Variants in MAP4K3 observed in about 807,000 individuals in gnomAD.
The protein encoded by MAP4K3 is MAPK/ERK kinase kinase kinase 3.
Under a neutral mutation model 143.5 loss-of-function variants are expected in MAP4K3, and 94 were observed. The observed-to-expected ratio is 0.65, with a 90% CI of 0.55 to 0.78. The LOEUF (loss-of-function observed/expected upper bound fraction) is 0.78. Among genes scored for constraint, MAP4K3 ranks in the 30% least tolerant of loss-of-function variants. The pLI, the probability that MAP4K3 is intolerant of heterozygous loss-of-function variation, is 0.00. For synonymous variants in MAP4K3, 416 were observed against 347.2 expected, an observed-to-expected ratio of 1.20 and a Z score of -2.20; for missense variants, 1,077 against 1,068.1, an observed-to-expected ratio of 1.01 and a Z score of -0.12.
intron 1 of MAP4K3, among the ~76,000 whole-genome samples, chr2:39,417,683 G>C (rs1475470294): frequency 6.6e-6 from 1 of 152,166 alleles, no homozygotes; most frequent in African/African-American, 2.4e-5. Flanking sequence ...TGTATACGTG[G>C]TTTAGCAATA....
In MAP4K3 at chr2:39,295,719, T is replaced by G. The variant is rs182066941; in HGVS notation, c.1179-2451A>C. Reference sequence around the variant, plus strand: ...TATATTGCATTCGCATTCCATGTTTTTTTTTTTTTTTTTTTTGAGATGGAG... The same window carrying G: ...TATATTGCATTCGCATTCCATGTTTGTTTTTTTTTTTTTTTTGAGATGGAG... On this transcript the variant is annotated intron_variant, in intron 16 of 33. Transcript: ENST00000263881. 8.7e-3 allele frequency among the ~76,000 whole-genome samples: 1,295 copies of G among 148,954 alleles called. 17 individuals are homozygous for G. Among genetic ancestry groups the G allele is most frequent in the African/African-American group, 0.029 (1,177 of 40,524 alleles).
chr2:39,421,364 G>A (rs1363163042), intron 1 of MAP4K3, among the ~76,000 whole-genome samples: 1 of 129,612 alleles, frequency 7.7e-6, no homozygotes, highest in African/African-American at 2.8e-5. Flanking sequence ...TTATTGACTT[G>A]GGCATTTTTT....
In MAP4K3 at chr2:39,351,101, A is replaced by C. The variant is rs557807694; in HGVS notation, c.245+5148T>G. Among the ~76,000 whole-genome samples the C allele has an allele frequency of 1.2e-3, 189 of 152,290 alleles. 1 individual carries two copies. The highest frequency in any genetic ancestry group is 4.5e-3 in the African/African-American group (185 of 41,546). ...TGTGCATAGCTATGCCACTTTATAT[A>C]AGGGACTTGAGCATTCATGGGTTTT... On this transcript the variant is annotated intron_variant, in intron 3 of 33. Coordinates refer to ENST00000263881, the MANE Select transcript of MAP4K3 (RefSeq NM_003618.4).
intron 29 of MAP4K3, among the ~76,000 whole-genome samples, chr2:39,258,900 A>G (rs1194360202): frequency 2.0e-5 from 3 of 152,242 alleles, no homozygotes; most frequent in Non-Finnish European, 4.4e-5. Context: ...TCTTCTTTTA[A>G]AAACCAAATT....
At chr2:39,283,267 C>T (rs2148468513) in intron 21 of MAP4K3, among the ~76,000 whole-genome samples, 1 of 152,260 alleles carries the variant, frequency 6.6e-6, no homozygotes, top group South Asian at 2.1e-4. Context: ...TCACACCCAC[C>T]AGCAATGTAT....
chr2:39,333,454 G>C, intron 7 of MAP4K3, 78 bp downstream of exon 7: 3 of 1,107,290 alleles, frequency 2.7e-6, no homozygotes, highest in Non-Finnish European at 4.1e-6. Context: ...GGGAAAACCT[G>C]GTCCTACAAA....
chr2:39,260,553 C>A lies in MAP4K3; in HGVS notation c.2308+53G>T, dbSNP rs902359113. The A allele has an allele frequency of 4.1e-6, 6 of 1,480,448 alleles. No individual in the cohort carries two copies. In the African/African-American group the frequency reaches 7.0e-5, roughly 17 times the overall value. 91.7% of individuals were successfully genotyped at this position (1,480,448 alleles called of 1,614,324 possible). A position where few individuals can be genotyped will look rare whatever the true frequency, so the allele number is the denominator to read the frequency against. On this transcript the variant is annotated intron_variant, in intron 29 of 33. Coordinates refer to ENST00000263881, the MANE Select transcript of MAP4K3 (RefSeq NM_003618.4). ...AGTAAGAGATACAGTAAACTTACTA[C>A]TTATAAAACCAGTATATGTATTACC...
chr2:39,351,003 T>C (rs996349129), intron 3 of MAP4K3, among the ~76,000 whole-genome samples: 2 of 152,170 alleles, frequency 1.3e-5, no homozygotes, highest in Non-Finnish European at 1.5e-5. Flanking sequence ...TAATAAAGTA[T>C]TACACTATTT....
At chr2:39,361,681 T>C (rs1416046593) in intron 2 of MAP4K3, among the ~76,000 whole-genome samples, 1 of 151,362 alleles carries the variant, frequency 6.6e-6, no homozygotes, top group Non-Finnish European at 1.5e-5. Flanking sequence ...AATGATTATT[T>C]AAACATTATT....
intron 2 of MAP4K3, among the ~76,000 whole-genome samples, chr2:39,373,447 A>G (rs367865192): frequency 2.6e-5 from 4 of 152,226 alleles, no homozygotes; most frequent in East Asian, 1.9e-4. Flanking sequence ...TACATACTCA[A>G]AAGAAAGGAA....
intron 1 of MAP4K3, among the ~76,000 whole-genome samples, chr2:39,436,460 A>T (rs750063704): frequency 6.6e-6 from 1 of 152,046 alleles, no homozygotes; most frequent in African/African-American, 2.4e-5. Flanking sequence ...CCTGGTGGGC[A>T]GCAGCTCCCA....
At chr2:39,368,527 G>C (rs998134832) in intron 2 of MAP4K3, among the ~76,000 whole-genome samples, 2 of 151,888 alleles carry the variant, frequency 1.3e-5, no homozygotes, top group African/African-American at 4.8e-5. Context: ...AAATTAGCTG[G>C]GTGTGGTGAT....
At chr2:39,367,177 A>G (rs1254307843) in intron 2 of MAP4K3, among the ~76,000 whole-genome samples, 3 of 152,216 alleles carry the variant, frequency 2.0e-5, no homozygotes, top group South Asian at 2.1e-4. Context: ...ATTTACATAC[A>G]TTGTTACTGA....
At chr2:39,374,090 A>C (rs1227434898) in intron 2 of MAP4K3, among the ~76,000 whole-genome samples, 2 of 152,220 alleles carry the variant, frequency 1.3e-5, no homozygotes, top group African/African-American at 4.8e-5. Context: ...TATGCCTACT[A>C]TGTACCCACG....
At chr2:39,409,037 TTCTG>T (rs1193354095) in intron 1 of MAP4K3, among the ~76,000 whole-genome samples, 1 of 152,206 alleles carries the variant, frequency 6.6e-6, no homozygotes, top group Non-Finnish European at 1.5e-5. Flanking sequence ...TGCCTGCCTC[TTCTG>T]TCTTTCCTTT....
rs577955154 is a variant in MAP4K3 at position 39,339,959 on chromosome 2, C to T, written c.311-2378G>A. On this transcript the variant is annotated intron_variant, in intron 4 of 33. Coordinates refer to ENST00000263881, the MANE Select transcript of MAP4K3 (RefSeq NM_003618.4). ...AAAATAATTAACCATAAAGATATAACGGGTTGTGGAAAGTTATTAAAGAAC... is the reference window on the plus strand; with the variant it reads ...AAAATAATTAACCATAAAGATATAATGGGTTGTGGAAAGTTATTAAAGAAC... Among the ~76,000 whole-genome samples the T allele has an allele frequency of 8.6e-5, 13 of 151,962 alleles. No homozygotes were observed. In the South Asian group the frequency reaches 1.7e-3, roughly 20 times the overall value.
chr2:39,408,367 G>A (rs1667151047), intron 1 of MAP4K3, among the ~76,000 whole-genome samples: 1 of 151,988 alleles, frequency 6.6e-6, no homozygotes, highest in African/African-American at 2.4e-5. Context: ...TAGATCAGGG[G>A]GTCATAAGGA....
chr2:39,302,812 A>G (rs186130854), intron 15 of MAP4K3, among the ~76,000 whole-genome samples: 30 of 152,356 alleles, frequency 2.0e-4, no homozygotes, highest in Middle Eastern at 3.4e-3. Flanking sequence ...ATAACCTAGT[A>G]TAGATTAAAA....
chr2:39,351,543 C>G lies in MAP4K3; in HGVS notation c.245+4706G>C, dbSNP rs192729139. Among the ~76,000 whole-genome samples the G allele has an allele frequency of 2.0e-3, 308 of 152,220 alleles. 2 individuals carry two copies. Among genetic ancestry groups the G allele is most frequent in the Non-Finnish European group, 3.5e-3 (238 of 68,022 alleles). On this transcript the variant is annotated intron_variant, in intron 3 of 33. Coordinates refer to ENST00000263881, the MANE Select transcript of MAP4K3 (RefSeq NM_003618.4). ...TTAGATATCTTTCTGTGGAAATCAA[C>G]ACTGCACTCTACATGCTAAGAAATA... is the stretch of plus-strand genomic sequence containing the variant.
Sources: gnomAD v4.1 joint callset for allele counts (sites outside exome capture counted in the v4.1 genomes callset) on GRCh38, gnomAD v4.1.1 for gene constraint, MANE v1.5 for transcripts, NCBI Gene and HGNC (gene_info 2026-07-23, HGNC 2026-07-21) for gene names.